The following RFTN2 variants were observed in gnomAD, a reference collection of about 807,000 sequenced individuals.
RFTN2 encodes the protein raftlin family member 2.
RFTN2 carries 34 observed loss-of-function variants against 52.7 expected under a neutral mutation model. The observed-to-expected ratio is 0.64, with a 90% CI of 0.49 to 0.86. RFTN2 has a LOEUF of 0.86. Ranked by LOEUF, RFTN2 falls within the 40% of genes least tolerant of loss-of-function variation. The pLI, the probability that RFTN2 is intolerant of heterozygous loss-of-function variation, is 0.00. For synonymous variants in RFTN2, 203 were observed against 217.7 expected, an observed-to-expected ratio of 0.93 and a Z score of 0.59; for missense variants, 536 against 600.1, an observed-to-expected ratio of 0.89 and a Z score of 1.12.
intron 4 of RFTN2, 87 bp from the exon 5 acceptor site, chr2:197,631,307 C>T: frequency 1.1e-6 from 1 of 923,926 alleles, no homozygotes; most frequent in Non-Finnish European, 1.8e-6. Context: ...TGAGATATTC[C>T]AAGCATACAA....
chr2:197,595,088 A>T (rs898240746), intron 8 of RFTN2, among the ~76,000 whole-genome samples: 6 of 152,344 alleles, frequency 3.9e-5, no homozygotes, highest in African/African-American at 1.2e-4. Flanking sequence ...TCATTCAATC[A>T]TTGTATTCCA....
chr2:197,602,620 C>T lies in RFTN2; in HGVS notation c.1155-6551G>A, dbSNP rs189111795. 4.0e-5 allele frequency among the ~76,000 whole-genome samples: 6 copies of T among 151,848 alleles called. No homozygotes were observed. The East Asian group carries it at 1.2e-3, about 29-fold the overall frequency. On this transcript the variant is annotated intron_variant, in intron 7 of 8. Transcript: ENST00000295049. ...GTGACGTGATCTTGGCTCACTGCAA[C>T]CTCTGTCTCCCAGGTTCAAGTGATC... is the stretch of plus-strand genomic sequence containing the variant.
At chr2:197,585,991 C>G (rs1365773947) in intron 8 of RFTN2, among the ~76,000 whole-genome samples, 1 of 152,202 alleles carries the variant, frequency 6.6e-6, no homozygotes, top group Non-Finnish European at 1.5e-5. Context: ...TCCCTTTCAC[C>G]TTCGTGATGT....
intron 4 of RFTN2, 33 bp downstream of exon 4, chr2:197,633,685 G>C: frequency 6.4e-7 from 1 of 1,571,826 alleles, no homozygotes; most frequent in East Asian, 2.2e-5. Flanking sequence ...TTAAACTATA[G>C]TATATTCTCT....
At chr2:197,662,325 T>C (rs2088988081) in intron 1 of RFTN2, among the ~76,000 whole-genome samples, 2 of 152,164 alleles carry the variant, frequency 1.3e-5, no homozygotes, top group Non-Finnish European at 2.9e-5. Flanking sequence ...AGATAGATAG[T>C]GGTCTGGTTT....
At chr2:197,660,311 A>T (rs1397693134) in intron 1 of RFTN2, among the ~76,000 whole-genome samples, 1 of 152,260 alleles carries the variant, frequency 6.6e-6, no homozygotes, top group Non-Finnish European at 1.5e-5. Flanking sequence ...GTTACTTATC[A>T]AAATGTTTTC....
At position 197,572,155 on chromosome 2, in the gene RFTN2, A is replaced by T. The variant is rs989874063; in HGVS notation, c.1359T>A (p.Ser453=). The change falls in exon 9 of 9, where the codon TCT becomes TCA. Residue 453 remains serine (S), a synonymous_variant. Transcript: ENST00000295049. The part of the protein sequence containing the change: ...SRHLPEECRL[S]PSRECWTKEG... ...CCTTTGTCCAGCATTCCCGGGAGGG[A>T]GAAAGGCGGCACTCCTCAGGCAGGT... 6.2e-7 allele frequency: 1 copy of T among 1,614,130 alleles called. No homozygotes were observed. The highest frequency in any genetic ancestry group is 8.5e-7 in the Non-Finnish European group (1 of 1,180,030).
At chr2:197,581,385 C>T (rs967943516) in intron 8 of RFTN2, among the ~76,000 whole-genome samples, 1 of 152,174 alleles carries the variant, frequency 6.6e-6, no homozygotes, top group Non-Finnish European at 1.5e-5. Flanking sequence ...CCCCTGCACC[C>T]ATTGTCCCAG....
At chr2:197,597,919 A>G (rs1220102066) in intron 7 of RFTN2, among the ~76,000 whole-genome samples, 1 of 152,168 alleles carries the variant, frequency 6.6e-6, no homozygotes, top group African/African-American at 2.4e-5. Flanking sequence ...GAACACAACA[A>G]CTGTGATTTC....
intron 7 of RFTN2, among the ~76,000 whole-genome samples, chr2:197,610,981 T>A (rs891705084): frequency 4.6e-5 from 7 of 152,234 alleles, no homozygotes; most frequent in Admixed American, 4.6e-4. Flanking sequence ...TTGTGGTGGA[T>A]AAGCTTTTTG....
chr2:197,661,179 A>G (rs2088971669), intron 1 of RFTN2, among the ~76,000 whole-genome samples: 1 of 151,904 alleles, frequency 6.6e-6, no homozygotes, highest in Admixed American at 6.6e-5. Flanking sequence ...ACTTAACATA[A>G]TGTCCTCCAG....
chr2:197,632,334 G>C (rs2088481028), intron 4 of RFTN2, among the ~76,000 whole-genome samples: 1 of 152,290 alleles, frequency 6.6e-6, no homozygotes, highest in East Asian at 1.9e-4. Flanking sequence ...TTGAATCATG[G>C]GAGCGGTTTC....
At chr2:197,640,368 T>A (rs1295146781) in intron 3 of RFTN2, among the ~76,000 whole-genome samples, 1 of 152,152 alleles carries the variant, frequency 6.6e-6, no homozygotes, top group Non-Finnish European at 1.5e-5. Flanking sequence ...CTCAGACTGC[T>A]GTGCTAGCAA....
At chr2:197,594,015 C>CTTTT (rs11352058) in intron 8 of RFTN2, among the ~76,000 whole-genome samples, 1 of 95,992 alleles carries the variant, frequency 1.0e-5, no homozygotes, top group African/African-American at 4.4e-5. Context: ...CAGAATATTT[C>CTTTT]TTTTTTTTTT....
At chr2:197,599,113 G>A (rs1444667404) in intron 7 of RFTN2, among the ~76,000 whole-genome samples, 5 of 151,850 alleles carry the variant, frequency 3.3e-5, no homozygotes, top group Non-Finnish European at 7.4e-5. Flanking sequence ...CACCATGCCC[G>A]GCTCATTTTT....
chr2:197,574,616 C>T (rs2087381868), intron 8 of RFTN2, among the ~76,000 whole-genome samples: 1 of 152,046 alleles, frequency 6.6e-6, no homozygotes, highest in Non-Finnish European at 1.5e-5. Context: ...ACCTGTAATC[C>T]CAGCACTTTG....
intron 8 of RFTN2, 93 bp downstream of exon 8, chr2:197,595,898 T>C: frequency 1.2e-6 from 1 of 859,566 alleles, no homozygotes; most frequent in South Asian, 1.5e-5. Flanking sequence ...TTCCATATCA[T>C]GTCCACGCTT....
intron 1 of RFTN2, among the ~76,000 whole-genome samples, chr2:197,648,902 A>G (rs965405112): frequency 6.6e-6 from 1 of 152,176 alleles, no homozygotes; most frequent in Non-Finnish European, 1.5e-5. Flanking sequence ...TAGTGTGCTT[A>G]TCAGATTGTA....
chr2:197,571,069 C>T lies in RFTN2; in HGVS notation c.*939G>A, dbSNP rs779069672. On this transcript the variant is annotated 3_prime_UTR_variant, in exon 9 of 9. Coordinates refer to ENST00000295049, the MANE Select transcript of RFTN2 (RefSeq NM_144629.3). ...AAACAAAATATGTTATCATACATAT[C>T]GCGTGTGCTATGAGCATCTTTCTAC... 13 of 152,214 alleles carry T rather than the reference C, an allele frequency of 8.5e-5. No individual in the cohort carries two copies. Among genetic ancestry groups the T allele is most frequent in the South Asian group, 2.1e-4 (1 of 4,834 alleles). The allele number at this position is 152,214 out of a possible 1,614,324, so 9.4% of individuals were successfully genotyped here.
Sources: gnomAD v4.1 joint callset for allele counts (sites outside exome capture counted in the v4.1 genomes callset) on GRCh38, gnomAD v4.1.1 for gene constraint, MANE v1.5 for transcripts, NCBI Gene and HGNC (gene_info 2026-07-23, HGNC 2026-07-21) for gene names.